The following STON1 variants were observed in gnomAD, a reference collection of about 807,000 sequenced individuals.
The protein encoded by STON1 is stonin 1.
A neutral mutation model predicts 60.9 loss-of-function variants in STON1; 79 were observed. The observed-to-expected ratio is 1.30, with a 90% CI of 1.08 to 1.56. The LOEUF (loss-of-function observed/expected upper bound fraction) is 1.56, where lower values mean the gene tolerates loss of function less well. STON1 is among the 40% of genes most tolerant of loss of function. STON1 has a pLI of 0.00. For synonymous variants in STON1, 363 were observed against 306.9 expected (o/e 1.18, Z -1.91); for missense variants, 1,166 against 858.9 (o/e 1.36, Z -4.47).
intron 1 of STON1, among the ~76,000 whole-genome samples, chr2:48,572,402 C>T (rs751097391): frequency 3.3e-5 from 5 of 151,996 alleles, no homozygotes; most frequent in Non-Finnish European, 7.4e-5. Flanking sequence ...GAGTCCTGGA[C>T]GGGGGTGAAA....
At chr2:48,571,446 C>G (rs1160981051) in intron 1 of STON1, among the ~76,000 whole-genome samples, 1 of 152,070 alleles carries the variant, frequency 6.6e-6, no homozygotes, top group African/African-American at 2.4e-5. Flanking sequence ...TGAGACGTTG[C>G]CTGTGAAGGG....
intron 1 of STON1, among the ~76,000 whole-genome samples, chr2:48,573,817 A>T (rs761529263): frequency 3.0e-4 from 45 of 152,238 alleles, no homozygotes; most frequent in Non-Finnish European, 2.9e-4. Context: ...TGATATTTCC[A>T]TGCAGTGGAC....
At chr2:48,594,015 G>A (rs181544066) in intron 3 of STON1, among the ~76,000 whole-genome samples, 3 of 152,114 alleles carry the variant, frequency 2.0e-5, no homozygotes, top group Non-Finnish European at 2.9e-5. Context: ...ATCAACTTGG[G>A]CTAACGCTGT....
intron 2 of STON1, among the ~76,000 whole-genome samples, chr2:48,587,030 A>G (rs1674247640): frequency 6.6e-6 from 1 of 152,090 alleles, no homozygotes; most frequent in African/African-American, 2.4e-5. Flanking sequence ...TCTTCTCATC[A>G]CTCATCCTTT....
intron 1 of STON1, among the ~76,000 whole-genome samples, chr2:48,538,621 C>G (rs1379693911): frequency 1.3e-5 from 2 of 151,774 alleles, no homozygotes; most frequent in East Asian, 3.9e-4. Context: ...TTATTTAAGA[C>G]AGAGTCTCAC....
Position 48,595,346 on chromosome 2 carries a change from A to C in STON1, c.*44A>C. On this transcript the variant is annotated 3_prime_UTR_variant, in exon 4 of 4. Transcript: ENST00000404752. ...ATGACAGCCCACTTGTCAAATATGT[A>C]ATTCACCGAAACCACACCAAGTCCT... 1 of 1,540,970 alleles carries C rather than the reference A, an allele frequency of 6.5e-7. No individual in the cohort carries two copies. The highest frequency in any genetic ancestry group is 9.0e-7 in the Non-Finnish European group (1 of 1,115,822).
At chr2:48,536,324 G>A (rs1671425871) in intron 1 of STON1, among the ~76,000 whole-genome samples, 1 of 152,128 alleles carries the variant, frequency 6.6e-6, no homozygotes, top group African/African-American at 2.4e-5. Context: ...AAGGTGGGCA[G>A]ATCACCTGAG....
chr2:48,540,825 A>G (rs1431805839), intron 1 of STON1, among the ~76,000 whole-genome samples: 1 of 152,122 alleles, frequency 6.6e-6, no homozygotes, highest in African/African-American at 2.4e-5. Context: ...CAGAGTAGAT[A>G]GTTCATTAGA....
At chr2:48,583,754 CTT>C (rs905822150) in intron 2 of STON1, among the ~76,000 whole-genome samples, 32 of 133,630 alleles carry the variant, frequency 2.4e-4, no homozygotes, top group Non-Finnish European at 2.7e-4. Context: ...TCTTTTTTTT[CTT>C]TTTTTTTTTT....
chr2:48,565,045 C>CTTTTTT (rs35791710), intron 1 of STON1, among the ~76,000 whole-genome samples: 7 of 86,500 alleles, frequency 8.1e-5, no homozygotes, highest in Non-Finnish European at 1.5e-4. Flanking sequence ...CCGGCTTCTT[C>CTTTTTT]TTTTTTTTTT....
chr2:48,581,338 T>C lies in STON1; in HGVS notation c.705T>C (p.His235=). Residue 235 remains histidine (H), a synonymous_variant, in exon 2 of 4, where the codon CAT becomes CAC. Transcript: ENST00000404752. ...ACTATATCTGTGAGAAGCTTGAACA[T>C]CTCCAGTCAGCTGAGAACCAAGACT... ...SLNYICEKLE[H]LQSAENQDSL... is the part of the protein sequence containing the mutation. The C allele has an allele frequency of 1.3e-6, 2 of 1,542,958 alleles. No individual in the cohort carries two copies. Among genetic ancestry groups the C allele is most frequent in the Non-Finnish European group, 1.7e-6 (2 of 1,147,672 alleles).
chr2:48,595,772 G>C lies in STON1; in HGVS notation c.*470G>C, dbSNP rs1232511258. ...CTTTCTTGCCTCTGAAATGTGGCTA[G>C]GTGTAGAATGATGTTGAAACCACAG... On this transcript the variant is annotated 3_prime_UTR_variant, in exon 4 of 4. Coordinates refer to ENST00000404752, the MANE Select transcript of STON1 (RefSeq NM_006873.4). 3.8e-5 allele frequency: 6 copies of C among 159,996 alleles called. No individual in the cohort carries two copies. The highest frequency in any genetic ancestry group is 1.4e-5 in the Non-Finnish European group (1 of 73,790). 9.9% of individuals were successfully genotyped at this position (159,996 alleles called of 1,614,324 possible). A position where few individuals can be genotyped will look rare whatever the true frequency, so the allele number is the denominator to read the frequency against.
intron 1 of STON1, among the ~76,000 whole-genome samples, chr2:48,541,806 C>A (rs1030971788): frequency 6.6e-6 from 1 of 151,416 alleles, no homozygotes; most frequent in Non-Finnish European, 1.5e-5. Flanking sequence ...TAAGAGAATG[C>A]GGGAGAGAAG....
At chr2:48,574,921 G>T (rs542625403) in intron 1 of STON1, among the ~76,000 whole-genome samples, 2 of 152,252 alleles carry the variant, frequency 1.3e-5, no homozygotes, top group East Asian at 3.9e-4. Context: ...TGTTAAAAAC[G>T]GTGTTATGAA....
In STON1 at chr2:48,595,617, C is replaced by A; in HGVS notation, c.*315C>A. 1 of 322,354 alleles carries A rather than the reference C, an allele frequency of 3.1e-6. No homozygotes were observed. 20.0% of individuals were successfully genotyped at this position (322,354 alleles called of 1,614,324 possible). On this transcript the variant is annotated 3_prime_UTR_variant, in exon 4 of 4. Coordinates refer to ENST00000404752, the MANE Select transcript of STON1 (RefSeq NM_006873.4). ...AGTATGATTTTTGATTACTCAGTGG[C>A]TGACTGTTTTGCTCTCTGGATTACT...
At position 48,581,447 on chromosome 2, in the gene STON1, C is replaced by G. The variant is rs1345608012; in HGVS notation, c.814C>G (p.Pro272Ala). ...FVPHTLFRSQ[P>A]KSGWSFMLRI... The stretch of plus-strand genomic sequence containing the variant: ...CCCCCACACACTCTTCAGGAGTCAG[C>G]CAAAATCCGGATGGTCTTTCATGCT... Residue 272 changes from proline to alanine, a missense_variant, in exon 2 of 4, where the codon CCA becomes GCA. Physicochemically the swap from Pro to Ala is conservative, Grantham distance 27. Transcript: ENST00000404752. 2 of 1,614,056 alleles carry G rather than the reference C, an allele frequency of 1.2e-6. No homozygotes were observed. Among genetic ancestry groups the G allele is most frequent in the African/African-American group, 1.3e-5 (1 of 74,938 alleles).
At chr2:48,563,623 T>G (rs914605055) in intron 1 of STON1, among the ~76,000 whole-genome samples, 1 of 152,200 alleles carries the variant, frequency 6.6e-6, no homozygotes, top group Non-Finnish European at 1.5e-5. Context: ...CAGACTCTTG[T>G]GTCTTCAGCA....
chr2:48,530,478 C>CT (rs1406493962), intron 1 of STON1: 1 of 159,736 alleles, frequency 6.3e-6, no homozygotes, highest in Non-Finnish European at 1.4e-5. Flanking sequence ...GGGTCCGACT[C>CT]TAAAGAGAAA....
intron 1 of STON1, among the ~76,000 whole-genome samples, chr2:48,569,473 CTT>C (rs1558614156): frequency 1.3e-5 from 2 of 151,182 alleles, no homozygotes; most frequent in African/African-American, 4.9e-5. Context: ...AGTAGAGAGA[CTT>C]AATTTGTGGA....
Sources: allele counts gnomAD v4.1 joint callset (sites outside exome capture counted in the v4.1 genomes callset), GRCh38; gene constraint gnomAD v4.1.1; transcripts MANE v1.5; gene names NCBI Gene and HGNC (gene_info 2026-07-23, HGNC 2026-07-21).